The following CCDC39 variants were observed in gnomAD, a reference collection of about 807,000 sequenced individuals.
CCDC39 encodes the protein coiled-coil domain 39 molecular ruler complex subunit, also known as coiled-coil domain-containing protein 39.
CCDC39 carries 113 observed loss-of-function variants against 121.0 expected under a neutral mutation model. The observed-to-expected ratio is 0.93, with a 90% CI of 0.80 to 1.09. The LOEUF is 1.09. Among genes scored for constraint, CCDC39 ranks in the 50% least tolerant of loss-of-function variants. The probability of loss-of-function intolerance (pLI) is 0.00; values close to 1 mark genes in which losing one functional copy is unlikely to be tolerated. For synonymous variants in CCDC39, 349 were observed against 352.2 expected, an observed-to-expected ratio of 0.99 and a Z score of 0.10; for missense variants, 1,063 against 1,074.7, an observed-to-expected ratio of 0.99 and a Z score of 0.15.
chr3:180,640,915 C>G (rs962076785), intron 13 of CCDC39, among the ~76,000 whole-genome samples: 4 of 151,936 alleles, frequency 2.6e-5, no homozygotes, highest in African/African-American at 9.7e-5. Flanking sequence ...GAAATACACA[C>G]AAGTCATTTT....
In CCDC39 at chr3:180,616,938, T is replaced by A; in HGVS notation, c.2294A>T (p.Glu765Val). 6.9e-7 allele frequency: 1 copy of A among 1,459,246 alleles called. No homozygotes were observed. Among genetic ancestry groups the A allele is most frequent in the Non-Finnish European group, 9.5e-7 (1 of 1,056,956 alleles). The allele number at this position is 1,459,246 out of a possible 1,614,324, so 90.4% of individuals were successfully genotyped here. A position where few individuals can be genotyped will look rare whatever the true frequency, so the allele number is the denominator to read the frequency against. ...TTCTTTAACATTATTTGCCAAATGT[T>A]CTATAACATCTAATGTATTTTCCAT... ...QSMENTLDVI[E>V]HLANNVKEKL... Residue 765 changes from glutamate (E) to valine (V), a missense_variant, in exon 17 of 20, where the codon GAA becomes GTA. Transcript: ENST00000476379.
rs976970200 is a variant in CCDC39 at position 180,623,720 on chromosome 3, C to G, written c.1999-3750G>C. Among the ~76,000 whole-genome samples, 4 of 152,152 alleles carry G rather than the reference C, an allele frequency of 2.6e-5. No homozygotes were observed. In the South Asian group the frequency reaches 6.2e-4, roughly 24 times the overall value. On this transcript the variant is annotated intron_variant, in intron 14 of 19. Transcript: ENST00000476379. ...CTGATTTCTTTGTTAACCCAGTGATCATTTAGGAGCATATTGTTTAATTTC... is the reference window on the plus strand; with the variant it reads ...CTGATTTCTTTGTTAACCCAGTGATGATTTAGGAGCATATTGTTTAATTTC...
chr3:180,654,073 A>C (rs1711523554), intron 7 of CCDC39, among the ~76,000 whole-genome samples: 2 of 151,440 alleles, frequency 1.3e-5, no homozygotes, highest in South Asian at 4.2e-4. Flanking sequence ...AAAACCAGAC[A>C]CACAGAAAAA....
At chr3:180,640,409 A>T (rs749907697) in intron 13 of CCDC39, among the ~76,000 whole-genome samples, 10 of 152,110 alleles carry the variant, frequency 6.6e-5, no homozygotes, top group Non-Finnish European at 1.5e-4. Flanking sequence ...AATAACATTT[A>T]AAAACCCTGT....
At chr3:180,661,024 A>G (rs1711729480) in intron 3 of CCDC39, among the ~76,000 whole-genome samples, 1 of 152,034 alleles carries the variant, frequency 6.6e-6, no homozygotes, top group African/African-American at 2.4e-5. Flanking sequence ...GCTCCCTCAC[A>G]GCAACTGCAT....
chr3:180,652,217 G>A lies in CCDC39; in HGVS notation c.980C>T (p.Ala327Val). ...TVNRTSSDLE[A>V]LRKNISKIKK... is the part of the protein sequence containing the mutation. ...TATCTTGGAAATATTTTTCCTCAGA[G>A]CTTCTAAATCACTGGAAGTTCTATT... The change falls in exon 8 of 20, where the codon GCT becomes GTT. Residue 327 changes from alanine (A) to valine (V), a missense_variant. Coordinates refer to ENST00000476379, the MANE Select transcript of CCDC39 (RefSeq NM_181426.2). The A allele has an allele frequency of 2.0e-6, 3 of 1,536,714 alleles. No individual in the cohort carries two copies. Among genetic ancestry groups the A allele is most frequent in the Non-Finnish European group, 2.6e-6 (3 of 1,141,878 alleles).
At chr3:180,648,590 G>A (rs376899137) in intron 9 of CCDC39, among the ~76,000 whole-genome samples, 20 of 152,132 alleles carry the variant, frequency 1.3e-4, no homozygotes, top group African/African-American at 3.4e-4. Context: ...TTGACCTGTC[G>A]TCTTAATTTC....
chr3:180,652,720 A>T (rs1711509190), intron 7 of CCDC39, among the ~76,000 whole-genome samples: 1 of 152,128 alleles, frequency 6.6e-6, no homozygotes, highest in Non-Finnish European at 1.5e-5. Context: ...TTAAACAGAA[A>T]ATCTAAGATA....
chr3:180,658,551 C>G (rs970813353), intron 6 of CCDC39, among the ~76,000 whole-genome samples: 23 of 151,196 alleles, frequency 1.5e-4, no homozygotes, highest in Admixed American at 1.3e-4. Flanking sequence ...GAGCAGAGAT[C>G]AGGTCACTGC....
chr3:180,676,366 T>C (rs1179015336), intron 1 of CCDC39, among the ~76,000 whole-genome samples: 2 of 152,144 alleles, frequency 1.3e-5, no homozygotes, highest in Non-Finnish European at 2.9e-5. Flanking sequence ...AAAGAAGACA[T>C]TTATGCAGCC....
chr3:180,626,658 C>T (rs1024688436), intron 14 of CCDC39, among the ~76,000 whole-genome samples: 14 of 152,210 alleles, frequency 9.2e-5, no homozygotes, highest in Non-Finnish European at 2.9e-5. Context: ...TAGCATTAAA[C>T]TCTCCAAATG....
At chr3:180,678,675 A>C (rs976651328) in intron 1 of CCDC39, among the ~76,000 whole-genome samples, 2 of 151,344 alleles carry the variant, frequency 1.3e-5, no homozygotes, top group African/African-American at 4.9e-5. Context: ...TTTTTTTAAC[A>C]ACTGCTATGA....
At position 180,661,957 on chromosome 3, in the gene CCDC39, C is replaced by A. The variant is rs575350719; in HGVS notation, c.261G>T (p.Lys87Asn). The change falls in exon 3 of 20, where the codon AAG becomes AAT. Residue 87 changes from lysine to asparagine, a missense_variant. Coordinates refer to ENST00000476379, the MANE Select transcript of CCDC39 (RefSeq NM_181426.2). ...ERETESEEHFKAIAQRELGRV... is the reference protein window; with the variant it reads ...ERETESEEHFNAIAQRELGRV... The stretch of plus-strand genomic sequence containing the variant: ...GTCCCAATTCTCTTTGAGCAATGGC[C>A]TTAAAATGTTCTTCACTTTCAGTCT... The A allele has an allele frequency of 9.8e-5, 153 of 1,561,438 alleles. No individual in the cohort carries two copies. The highest frequency in any genetic ancestry group is 1.3e-4 in the Non-Finnish European group (145 of 1,151,298).
chr3:180,627,516 G>A (rs922538696), intron 14 of CCDC39, among the ~76,000 whole-genome samples: 1 of 151,936 alleles, frequency 6.6e-6, no homozygotes, highest in South Asian at 2.1e-4. Context: ...GATTCCATTC[G>A]CTTCTAAATC....
rs750707206 is a variant in CCDC39 at position 180,619,848 on chromosome 3, G to A, written c.2121C>T (p.Asn707=). 1 of 1,601,824 alleles carries A rather than the reference G, an allele frequency of 6.2e-7. No homozygotes were observed. The highest frequency in any genetic ancestry group is 1.4e-5 in the African/African-American group (1 of 73,138). ...NTLQVLNSCN[N]NYKQSFKKVT... ...CTTTTTTAAAAGATTGCTTATAATT[G>A]TTGTTACAGCTGTTCAGCACTTGAA... The change falls in exon 15 of 20, where the codon AAC becomes AAT. Residue 707 remains asparagine, a synonymous_variant. Coordinates refer to ENST00000476379, the MANE Select transcript of CCDC39 (RefSeq NM_181426.2).
chr3:180,619,206 T>A, intron 16 of CCDC39, 53 bp downstream of exon 16: 1 of 811,406 alleles, frequency 1.2e-6, no homozygotes, highest in Non-Finnish European at 2.1e-6. Context: ...GTAGCAGTAA[T>A]GATAGTTGAC....
At chr3:180,643,895 A>C (rs1718014579) in intron 12 of CCDC39, among the ~76,000 whole-genome samples, 1 of 152,214 alleles carries the variant, frequency 6.6e-6, no homozygotes, top group South Asian at 2.1e-4. Context: ...AGAATAGTTA[A>C]TGTTTTAGGA....
chr3:180,647,314 T>C lies in CCDC39; in HGVS notation c.1363-71A>G, dbSNP rs144136403. Reference sequence around the variant, plus strand: ...CATTTCTACAAGTGTAAAAACAAAGTGAATACTTTCTTATGACTTTGGACT... The same window carrying C: ...CATTTCTACAAGTGTAAAAACAAAGCGAATACTTTCTTATGACTTTGGACT... On this transcript the variant is annotated intron_variant, in intron 10 of 19. Coordinates refer to ENST00000476379, the MANE Select transcript of CCDC39 (RefSeq NM_181426.2). The C allele has an allele frequency of 3.6e-5, 48 of 1,329,682 alleles. No individual in the cohort carries two copies. In the African/African-American group the frequency reaches 6.3e-4, roughly 17 times the overall value. The allele number at this position is 1,329,682 out of a possible 1,614,324, so 82.4% of individuals were successfully genotyped here.
chr3:180,624,463 T>C (rs1717505857), intron 14 of CCDC39, among the ~76,000 whole-genome samples: 1 of 152,228 alleles, frequency 6.6e-6, no homozygotes, highest in Non-Finnish European at 1.5e-5. Context: ...AACTGTTACC[T>C]AGTTGGTTTA....
Sources: allele counts gnomAD v4.1 joint callset (sites outside exome capture counted in the v4.1 genomes callset), GRCh38; gene constraint gnomAD v4.1.1; transcripts MANE v1.5; gene names NCBI Gene and HGNC (gene_info 2026-07-23, HGNC 2026-07-21).